The following SPINK5 variants were observed in gnomAD, a reference collection of about 807,000 sequenced individuals.
SPINK5 encodes serine peptidase inhibitor Kazal type 5.
In SPINK5, 125 loss-of-function variants were observed where a neutral mutation model predicts 151.8. That is an observed-to-expected ratio of 0.82 (90% CI 0.71 to 0.96). The LOEUF is 0.96. SPINK5 is among the 40% of genes least tolerant of loss of function. SPINK5 has a pLI of 0.00. For synonymous variants in SPINK5, 374 were observed against 395.3 expected (o/e 0.95, Z 0.64); for missense variants, 1,194 against 1,291.9 (o/e 0.92, Z 1.16).
Position 148,137,101 on chromosome 5 carries a change from T to C in SPINK5, c.*110T>C, listed in dbSNP as rs1581118556. On this transcript the variant is annotated 3_prime_UTR_variant, in exon 33 of 33. Transcript: ENST00000256084. ...TCTTCGGAGCTTGTCTTATTTGCTA[T>C]AGAAAACAATACAGAGCTTTTGGGA... The C allele has an allele frequency of 4.3e-6, 6 of 1,410,606 alleles. No homozygotes were observed. In the East Asian group the frequency reaches 1.4e-4, roughly 32 times the overall value. 87.4% of individuals were successfully genotyped at this position (1,410,606 alleles called of 1,614,324 possible).
In SPINK5 at chr5:148,137,351, A is replaced by C. The variant is rs368567196; in HGVS notation, c.*360A>C. On this transcript the variant is annotated 3_prime_UTR_variant, in exon 33 of 33. Transcript: ENST00000256084. ...ATTTGCTTTTAAAGAAACTGAATAA[A>C]CTCTACCCTTTTGTCTTTTTGTGTT... 4 of 314,536 alleles carry C rather than the reference A, an allele frequency of 1.3e-5. No individual in the cohort carries two copies. Among genetic ancestry groups the C allele is most frequent in the African/African-American group, 2.1e-5 (1 of 47,116 alleles). 19.5% of individuals were successfully genotyped at this position (314,536 alleles called of 1,614,324 possible).
chr5:148,129,972 A>C (rs1286910024), intron 30 of SPINK5, among the ~76,000 whole-genome samples: 1 of 152,076 alleles, frequency 6.6e-6, no homozygotes, highest in East Asian at 1.9e-4. Context: ...TTGGTAATAT[A>C]TGTTTTCTTG....
intron 26 of SPINK5, among the ~76,000 whole-genome samples, chr5:148,123,409 ATATAT>A (rs1444301787): frequency 2.0e-4 from 12 of 59,746 alleles, no homozygotes; most frequent in South Asian, 9.3e-4. Flanking sequence ...GATAGATATA[ATATAT>A]TATATATATA....
chr5:148,104,140 C>A (rs1439964563), intron 15 of SPINK5, among the ~76,000 whole-genome samples: 1 of 152,102 alleles, frequency 6.6e-6, no homozygotes, highest in African/African-American at 2.4e-5. Context: ...TTACATGTAG[C>A]AACTCATTTA....
rs193237836 is a variant in SPINK5, at chr5:148,103,424, G to A, written c.1430+1516G>A. 1.8e-4 allele frequency among the ~76,000 whole-genome samples: 28 copies of A among 152,238 alleles called. 1 individual carries two copies. In the East Asian group the frequency reaches 5.2e-3, roughly 28 times the overall value. The stretch of plus-strand genomic sequence containing the variant: ...ATCACTTAGTGAAGTCTTTCAGCCT[G>A]TTTTTTGTTCTCCCTTACATTAATT... On this transcript the variant is annotated intron_variant, in intron 15 of 32. Transcript: ENST00000256084.
At chr5:148,109,654 A>G (rs145314951) in intron 18 of SPINK5, among the ~76,000 whole-genome samples, 385 of 152,176 alleles carry the variant, frequency 2.5e-3, no homozygotes, top group African/African-American at 8.8e-3. Flanking sequence ...TGCCATTTGT[A>G]TTATTCCTGC....
intron 6 of SPINK5, 127 bp from the exon 7 acceptor site, chr5:148,089,367 C>A: frequency 8.1e-7 from 1 of 1,236,774 alleles, no homozygotes; most frequent in Non-Finnish European, 1.2e-6. Context: ...GCTACATCTA[C>A]ACAGCTGGTA....
At chr5:148,105,106 T>A in intron 16 of SPINK5, 106 bp downstream of exon 16, 1 of 1,240,206 alleles carries the variant, frequency 8.1e-7, no homozygotes, top group Non-Finnish European at 1.1e-6. Context: ...TTTTCATGCC[T>A]GAAATAAATG....
intron 12 of SPINK5, 117 bp from the exon 13 acceptor site, chr5:148,100,337 A>T: frequency 8.7e-7 from 1 of 1,146,300 alleles, no homozygotes; most frequent in South Asian, 1.3e-5. Context: ...GAAAAACACA[A>T]TTAAAATCCT....
At chr5:148,084,711 C>T (rs1387265851) in intron 4 of SPINK5, among the ~76,000 whole-genome samples, 2 of 151,844 alleles carry the variant, frequency 1.3e-5, no homozygotes, top group South Asian at 2.1e-4. Context: ...CTTTATGCTT[C>T]GGTCACATTT....
chr5:148,100,388 T>C lies in SPINK5; in HGVS notation c.1093-66T>C, dbSNP rs567971158. 9 of 1,518,898 alleles carry C rather than the reference T, an allele frequency of 5.9e-6. 1 individual carries two copies. The East Asian group carries it at 6.8e-5, about 12-fold the overall frequency. 94.1% of individuals were successfully genotyped at this position (1,518,898 alleles called of 1,614,324 possible). On this transcript the variant is annotated intron_variant, in intron 12 of 32. Coordinates refer to ENST00000256084, the MANE Select transcript of SPINK5 (RefSeq NM_006846.4). ...TAACATTAGTTTCTGCCAATGTAGATGTTTGAACCTTCTGCTTTAAGTAGA... is the reference window on the plus strand; with the variant it reads ...TAACATTAGTTTCTGCCAATGTAGACGTTTGAACCTTCTGCTTTAAGTAGA...
At chr5:148,067,088 A>T (rs925387718) in intron 2 of SPINK5, among the ~76,000 whole-genome samples, 5 of 152,242 alleles carry the variant, frequency 3.3e-5, no homozygotes, top group Admixed American at 3.3e-4. Flanking sequence ...ACAGCAGGGA[A>T]AAGCACTGCA....
At chr5:148,099,922 T>TTAATCC (rs1435643970) in intron 12 of SPINK5, among the ~76,000 whole-genome samples, 9 of 152,240 alleles carry the variant, frequency 5.9e-5, no homozygotes, top group African/African-American at 2.2e-4. Flanking sequence ...AGGATATGCT[T>TTAATCC]TAATCCTGTT....
intron 10 of SPINK5, among the ~76,000 whole-genome samples, chr5:148,097,131 A>G (rs1329107815): frequency 1.5e-5 from 2 of 131,486 alleles, no homozygotes; most frequent in African/African-American, 5.6e-5. Context: ...CTCTTTTTTA[A>G]TAATATAATT....
chr5:148,067,595 A>G (rs1752619192), intron 2 of SPINK5, among the ~76,000 whole-genome samples: 1 of 152,154 alleles, frequency 6.6e-6, no homozygotes, highest in Non-Finnish European at 1.5e-5. Flanking sequence ...TAATTTCATA[A>G]CTCAGAAAAA....
chr5:148,101,711 G>A, intron 14 of SPINK5, 70 bp from the exon 15 acceptor site: 3 of 1,609,756 alleles, frequency 1.9e-6, no homozygotes, highest in Non-Finnish European at 2.5e-6. Flanking sequence ...AAAAGTACAA[G>A]CTTTAGCTAT....
At chr5:148,104,927 T>TC (rs746243473) in intron 15 of SPINK5, 25 bp from the exon 16 acceptor site, 24 of 1,605,216 alleles carry the variant, frequency 1.5e-5, no homozygotes, top group Non-Finnish European at 1.9e-5. Flanking sequence ...ATTTCTTCTC[T>TC]CTTTTTCTTT....
rs943613832 is a variant in SPINK5 at position 148,095,766 on chromosome 5, T to C, written c.795-52T>C. On this transcript the variant is annotated intron_variant, in intron 9 of 32. Coordinates refer to ENST00000256084, the MANE Select transcript of SPINK5 (RefSeq NM_006846.4). ...TTTCCATCTATACCTAATGACTGTT[T>C]TGTAACATGAAGATCGGAAGCATCT... The C allele has an allele frequency of 4.1e-6, 6 of 1,477,812 alleles. No homozygotes were observed. In the African/African-American group the frequency reaches 5.5e-5, roughly 14 times the overall value. 91.5% of individuals were successfully genotyped at this position (1,477,812 alleles called of 1,614,324 possible).
chr5:148,081,374 G>A (rs528910980), intron 4 of SPINK5, among the ~76,000 whole-genome samples: 36 of 151,770 alleles, frequency 2.4e-4, no homozygotes, highest in Admixed American at 2.3e-3. Context: ...ATGTCCAAAT[G>A]TCCACTGGTG....
Sources: allele counts gnomAD v4.1 joint callset (sites outside exome capture counted in the v4.1 genomes callset), GRCh38; gene constraint gnomAD v4.1.1; transcripts MANE v1.5; gene names NCBI Gene and HGNC (gene_info 2026-07-23, HGNC 2026-07-21).